The following CADPS variants were observed in gnomAD, a reference collection of about 807,000 sequenced individuals.
The protein encoded by CADPS is calcium-dependent secretion activator 1.
CADPS carries 57 observed loss-of-function variants against 167.3 expected under a neutral mutation model. The ratio of observed to expected loss-of-function variants is 0.34; its 90% CI spans 0.28 to 0.42. The LOEUF (loss-of-function observed/expected upper bound fraction) is 0.42, where lower values mean the gene tolerates loss of function less well. Ranked by LOEUF, CADPS falls within the 20% of genes least tolerant of loss-of-function variation. The probability of loss-of-function intolerance (pLI) is 1.00; values close to 1 mark genes in which losing one functional copy is unlikely to be tolerated. For missense variants in CADPS, 1,414 were observed against 1,738.1 expected, an observed-to-expected ratio of 0.81 and a Z score of 3.32; for synonymous variants, 676 against 635.3, an observed-to-expected ratio of 1.06 and a Z score of -0.96.
chr3:62,631,540 T>G (rs575949954), intron 6 of CADPS, among the ~76,000 whole-genome samples: 1 of 152,212 alleles, frequency 6.6e-6, no homozygotes, highest in Admixed American at 6.5e-5. Context: ...CAAATATAAC[T>G]AAGACATTAA....
At chr3:62,726,485 A>C (rs1331149884) in intron 3 of CADPS, among the ~76,000 whole-genome samples, 1 of 151,902 alleles carries the variant, frequency 6.6e-6, no homozygotes, top group African/African-American at 2.4e-5. Context: ...AGCCACAAAT[A>C]TCAGGTGGAT....
At chr3:62,415,759 G>C (rs1011209731) in intron 28 of CADPS, among the ~76,000 whole-genome samples, 2 of 152,158 alleles carry the variant, frequency 1.3e-5, no homozygotes, top group Non-Finnish European at 2.9e-5. Flanking sequence ...TTCCCCGCTG[G>C]GCCTCAGCTG....
intron 6 of CADPS, among the ~76,000 whole-genome samples, chr3:62,598,776 C>T (rs1183717640): frequency 6.6e-6 from 1 of 152,206 alleles, no homozygotes; most frequent in Non-Finnish European, 1.5e-5. Flanking sequence ...ACCATGTTGC[C>T]TCCCTTGCTC....
chr3:62,481,534 A>G lies in CADPS; in HGVS notation c.3173+189T>C, dbSNP rs79798022. Among the ~76,000 whole-genome samples, 1,463 of 152,350 alleles carry G rather than the reference A, an allele frequency of 9.6e-3. 17 individuals are homozygous for G. The highest frequency in any genetic ancestry group is 0.034 in the African/African-American group (1,396 of 41,580). ...GCGTAAGACAAATTGTTAGTGCTGT[A>G]TATATAGCAAACATCTTACAAACAT... On this transcript the variant is annotated intron_variant, in intron 22 of 29. Transcript: ENST00000383710.
intron 12 of CADPS, among the ~76,000 whole-genome samples, chr3:62,534,010 T>C (rs2074226521): frequency 6.6e-6 from 1 of 152,146 alleles, no homozygotes; most frequent in South Asian, 2.1e-4. Flanking sequence ...CATGATGGGA[T>C]GGAAATTGCT....
intron 6 of CADPS, among the ~76,000 whole-genome samples, chr3:62,608,880 G>C (rs989985667): frequency 6.6e-6 from 1 of 152,154 alleles, no homozygotes; most frequent in Non-Finnish European, 1.5e-5. Context: ...ATGCCAACTT[G>C]TACGCCTCCT....
intron 3 of CADPS, among the ~76,000 whole-genome samples, chr3:62,718,029 G>T (rs1581057653): frequency 9.6e-6 from 1 of 104,320 alleles, no homozygotes; most frequent in Admixed American, 9.9e-5. Flanking sequence ...ACATCTTAGA[G>T]TAATTTTTTT....
intron 1 of CADPS, among the ~76,000 whole-genome samples, chr3:62,808,324 G>C (rs1454760135): frequency 2.0e-5 from 3 of 152,090 alleles, no homozygotes; most frequent in South Asian, 4.1e-4. Flanking sequence ...ATGAGACTTA[G>C]AGAGGTCAAG....
Position 62,730,347 on chromosome 3 carries a change from G to C in CADPS, c.888+23094C>G, listed in dbSNP as rs138845332. On this transcript the variant is annotated intron_variant, in intron 3 of 29. Transcript: ENST00000383710. ...CTGGTATCTAGTGAGTAGAAGTTAG[G>C]GATGCTGCCAAACATCCTACAATGC... Among the ~76,000 whole-genome samples, 580 of 152,214 alleles carry C rather than the reference G, an allele frequency of 3.8e-3. 4 individuals are homozygous for C. Among genetic ancestry groups the C allele is most frequent in the African/African-American group, 0.013 (521 of 41,516 alleles).
At chr3:62,678,621 G>A (rs2076672846) in intron 3 of CADPS, among the ~76,000 whole-genome samples, 1 of 152,088 alleles carries the variant, frequency 6.6e-6, no homozygotes, top group African/African-American at 2.4e-5. Context: ...GGGAGAAGTT[G>A]AGATTTCTGG....
At chr3:62,529,982 G>A (rs2073276101) in intron 13 of CADPS, among the ~76,000 whole-genome samples, 1 of 152,030 alleles carries the variant, frequency 6.6e-6, no homozygotes, top group South Asian at 2.1e-4. Context: ...TAATTTAAAA[G>A]GGAAAAAGTT....
chr3:62,660,106 C>T (rs1369587801), intron 4 of CADPS, among the ~76,000 whole-genome samples: 1 of 152,116 alleles, frequency 6.6e-6, no homozygotes, highest in Non-Finnish European at 1.5e-5. Flanking sequence ...AGATGAGCAT[C>T]TTGGCTCATC....
intron 1 of CADPS, among the ~76,000 whole-genome samples, chr3:62,854,551 T>G (rs2079277583): frequency 6.6e-6 from 1 of 152,232 alleles, no homozygotes; most frequent in Admixed American, 6.5e-5. Context: ...TACTAATGCC[T>G]ATCTTAAGGG....
intron 1 of CADPS, among the ~76,000 whole-genome samples, chr3:62,857,024 A>G (rs2079838067): frequency 1.3e-5 from 2 of 152,206 alleles, no homozygotes; most frequent in South Asian, 2.1e-4. Flanking sequence ...CTAGACATAA[A>G]TATGTCGAAC....
intron 3 of CADPS, among the ~76,000 whole-genome samples, chr3:62,716,633 A>C (rs1156484179): frequency 6.6e-6 from 1 of 152,240 alleles, no homozygotes; most frequent in African/African-American, 2.4e-5. Flanking sequence ...ACCTTTAAAA[A>C]AATGACAGAA....
chr3:62,812,052 T>C (rs867819907), intron 1 of CADPS, among the ~76,000 whole-genome samples: 1 of 152,276 alleles, frequency 6.6e-6, no homozygotes, highest in Middle Eastern at 3.4e-3. Context: ...AGATTTTCAT[T>C]ATGAGGCAAA....
At chr3:62,483,637 C>T (rs1024883152) in intron 21 of CADPS, among the ~76,000 whole-genome samples, 6 of 152,044 alleles carry the variant, frequency 3.9e-5, no homozygotes, top group Middle Eastern at 3.2e-3. Context: ...CTAAAGGGTG[C>T]TCTTGTGGGA....
At position 62,474,153 on chromosome 3, in the gene CADPS, A is replaced by ATTTTTTTTTTTTTTTTTTTTT. The variant is rs61586697; in HGVS notation, c.3477+19_3477+20insAAAAAAAAAAAAAAAAAAAAA. ...AATGAAGAGGGAAAAAAAAATCTGT[A>ATTTTTTTTTTTTTTTTTTTTT]TTTTTTTTTTTTTTTTTACCTCTTG... On this transcript the variant is annotated intron_variant, in intron 24 of 29. Coordinates refer to ENST00000383710, the MANE Select transcript of CADPS (RefSeq NM_003716.4). 5.7e-4 allele frequency: 425 copies of ATTTTTTTTTTTTTTTTTTTTT among 740,246 alleles called. 80 individuals carry two copies. Among genetic ancestry groups the ATTTTTTTTTTTTTTTTTTTTT allele is most frequent in the African/African-American group, 1.5e-3 (49 of 31,934 alleles). The allele number at this position is 740,246 out of a possible 1,614,324, so 45.9% of individuals were successfully genotyped here. A position where few individuals can be genotyped will look rare whatever the true frequency, so the allele number is the denominator to read the frequency against.
At chr3:62,573,564 C>T (rs772146141) in intron 8 of CADPS, among the ~76,000 whole-genome samples, 6 of 152,178 alleles carry the variant, frequency 3.9e-5, no homozygotes, top group Non-Finnish European at 8.8e-5. Flanking sequence ...TTGGCTTCTG[C>T]CCATTGTATT....
Sources: allele counts gnomAD v4.1 joint callset (sites outside exome capture counted in the v4.1 genomes callset), GRCh38; gene constraint gnomAD v4.1.1; transcripts MANE v1.5; gene names NCBI Gene and HGNC (gene_info 2026-07-23, HGNC 2026-07-21).